Variants in CFAP299 observed in about 807,000 individuals in gnomAD.
CFAP299 encodes cilia and flagella associated protein 299, also known as cilia- and flagella-associated protein 299.
A neutral mutation model predicts 27.0 loss-of-function variants in CFAP299; 21 were observed. The ratio of observed to expected loss-of-function variants is 0.78; its 90% CI spans 0.55 to 1.12. The LOEUF (loss-of-function observed/expected upper bound fraction) is 1.12, where lower values mean the gene tolerates loss of function less well. Ranked by LOEUF, CFAP299 falls within the 50% of genes most tolerant of loss-of-function variation. The pLI is 0.00. For missense variants in CFAP299, 310 were observed against 276.6 expected, an observed-to-expected ratio of 1.12 and a Z score of -0.86; for synonymous variants, 104 against 98.1, an observed-to-expected ratio of 1.06 and a Z score of -0.36.
rs144683765 is a variant in CFAP299 at position 80,600,624 on chromosome 4, A to G, written c.333+17441A>G. On this transcript the variant is annotated intron_variant, in intron 3 of 5. Transcript: ENST00000358105. ...TGTTTCATCAGTTTGTACTGTAGCT[A>G]TCATGACAATTATTGCATACTGTGG... 2.4e-3 allele frequency among the ~76,000 whole-genome samples: 369 copies of G among 152,286 alleles called. 1 individual carries two copies. The highest frequency in any genetic ancestry group is 8.4e-3 in the African/African-American group (350 of 41,584).
intron 2 of CFAP299, among the ~76,000 whole-genome samples, chr4:80,380,616 A>G (rs994876050): frequency 7.9e-5 from 12 of 152,008 alleles, no homozygotes; most frequent in African/African-American, 2.7e-4. Flanking sequence ...TTTAATAGAG[A>G]CAAGGTTTTG....
chr4:80,852,705 T>G (rs1276625867), intron 3 of CFAP299, among the ~76,000 whole-genome samples: 3 of 152,220 alleles, frequency 2.0e-5, no homozygotes, highest in African/African-American at 7.2e-5. Context: ...GTTTATTTCT[T>G]ATTTCTCTAT....
At chr4:80,603,828 C>T (rs780976398) in intron 3 of CFAP299, among the ~76,000 whole-genome samples, 4 of 152,100 alleles carry the variant, frequency 2.6e-5, no homozygotes, top group South Asian at 2.1e-4. Flanking sequence ...GAATAAAAAA[C>T]TCTATCTCTC....
At chr4:80,802,614 T>G (rs1473883685) in intron 3 of CFAP299, among the ~76,000 whole-genome samples, 1 of 152,058 alleles carries the variant, frequency 6.6e-6, no homozygotes, top group Admixed American at 6.6e-5. Flanking sequence ...GAAGAAATTC[T>G]GGAAAACTTA....
At chr4:80,857,741 C>T (rs1302786129) in intron 3 of CFAP299, among the ~76,000 whole-genome samples, 9 of 152,080 alleles carry the variant, frequency 5.9e-5, no homozygotes, top group African/African-American at 1.4e-4. Context: ...CAGCCTTGCA[C>T]CCCAGGGATG....
At position 80,430,871 on chromosome 4, in the gene CFAP299, G is replaced by A. The variant is rs527506710; in HGVS notation, c.242+67987G>A. Among the ~76,000 whole-genome samples the A allele has an allele frequency of 4.6e-5, 7 of 152,166 alleles. No individual in the cohort carries two copies. The South Asian group carries it at 1.5e-3, about 32-fold the overall frequency. ...AGCTTTCTCCGCTTCAGCCATTCTA[G>A]CCTCTTTGCTGTTCCTTTGGTCCTC... On this transcript the variant is annotated intron_variant, in intron 2 of 5. Transcript: ENST00000358105.
At chr4:80,322,349 T>C in the CFAP299 span, among the ~76,000 whole-genome samples, 1 of 152,170 alleles carries the variant, frequency 6.6e-6, no homozygotes, top group African/African-American at 2.4e-5. Flanking sequence ...ATTCACAACA[T>C]CCCAGGTTTT....
intron 4 of CFAP299, among the ~76,000 whole-genome samples, chr4:80,924,536 GTGTA>G (rs1553906734): frequency 2.5e-3 from 327 of 130,962 alleles, no homozygotes; most frequent in African/African-American, 0.01. Context: ...GTGTGTGTGT[GTGTA>G]TATATATATA....
chr4:80,876,459 A>G (rs1733382624), intron 4 of CFAP299, among the ~76,000 whole-genome samples: 1 of 152,176 alleles, frequency 6.6e-6, no homozygotes, highest in South Asian at 2.1e-4. Flanking sequence ...GCCTTCTGCC[A>G]TGATTGTAAG....
intron 4 of CFAP299, among the ~76,000 whole-genome samples, chr4:80,908,675 T>G (rs1444095278): frequency 6.6e-6 from 1 of 152,206 alleles, no homozygotes; most frequent in African/African-American, 2.4e-5. Context: ...AATTGCCTTA[T>G]TGTTATTGGT....
At chr4:80,534,864 T>C (rs899647527) in intron 2 of CFAP299, among the ~76,000 whole-genome samples, 2 of 152,166 alleles carry the variant, frequency 1.3e-5, no homozygotes, top group Admixed American at 6.5e-5. Flanking sequence ...TGTACATATA[T>C]TTTTCCCTTT....
intron 3 of CFAP299, among the ~76,000 whole-genome samples, chr4:80,810,078 T>C (rs1401034842): frequency 6.6e-6 from 1 of 152,088 alleles, no homozygotes; most frequent in Non-Finnish European, 1.5e-5. Flanking sequence ...AAAAATTGAA[T>C]AGCTATTTTT....
At chr4:80,395,879 G>T (rs1578397213) in intron 2 of CFAP299, among the ~76,000 whole-genome samples, 1 of 152,056 alleles carries the variant, frequency 6.6e-6, no homozygotes, top group Admixed American at 6.6e-5. Context: ...ACTGGTGACT[G>T]CATTAATTAT....
chr4:80,695,608 T>C (rs944251295), intron 3 of CFAP299, among the ~76,000 whole-genome samples: 5 of 152,100 alleles, frequency 3.3e-5, no homozygotes, highest in Non-Finnish European at 7.4e-5. Context: ...AATCAACCAG[T>C]GTAGACCACA....
intron 2 of CFAP299, among the ~76,000 whole-genome samples, chr4:80,393,843 C>T (rs1044031604): frequency 6.6e-6 from 1 of 152,008 alleles, no homozygotes; most frequent in Non-Finnish European, 1.5e-5. Context: ...GCTCTGTGTC[C>T]CCACTCAAAT....
chr4:80,387,872 G>C, intron 2 of CFAP299: 1 of 1,169,586 alleles, frequency 8.6e-7, no homozygotes, highest in South Asian at 1.2e-5. Flanking sequence ...TTCAGCATTG[G>C]TGGAGAGTCA....
intron 2 of CFAP299, among the ~76,000 whole-genome samples, chr4:80,395,497 C>A (rs1341260993): frequency 6.6e-6 from 1 of 152,002 alleles, no homozygotes; most frequent in Non-Finnish European, 1.5e-5. Flanking sequence ...TAGAGGAAAG[C>A]TTTTCACCAA....
chr4:80,699,626 A>T (rs60607165), intron 3 of CFAP299, among the ~76,000 whole-genome samples: 6,949 of 152,200 alleles, frequency 0.046, 552 homozygotes, highest in African/African-American at 0.16. Flanking sequence ...GTTATATTTG[A>T]AATAACTTCT....
intron 4 of CFAP299, among the ~76,000 whole-genome samples, chr4:80,918,635 G>A (rs1338863874): frequency 6.6e-6 from 1 of 152,018 alleles, no homozygotes; most frequent in East Asian, 1.9e-4. Flanking sequence ...TATAGTACTG[G>A]TTTTATGTAA....
Sources: allele counts gnomAD v4.1 joint callset (sites outside exome capture counted in the v4.1 genomes callset), GRCh38; gene constraint gnomAD v4.1.1; transcripts MANE v1.5; gene names NCBI Gene and HGNC (gene_info 2026-07-23, HGNC 2026-07-21).